NXN: variants seen among roughly 807,000 people sequenced by gnomAD.
The protein encoded by NXN is nucleoredoxin 1.
Under a neutral mutation model 48.6 loss-of-function variants are expected in NXN, and 16 were observed. The observed-to-expected ratio is 0.33, with a 90% CI of 0.22 to 0.50. The LOEUF (loss-of-function observed/expected upper bound fraction) is 0.50, where lower values mean the gene tolerates loss of function less well. Ranked by LOEUF, NXN falls within the 20% of genes least tolerant of loss-of-function variation. NXN has a pLI of 0.98. For missense variants in NXN, 492 were observed against 605.5 expected (o/e 0.81, Z 1.97); for synonymous variants, 281 against 269.6 (o/e 1.04, Z -0.41).
At chr17:913,957 T>C (rs912159419) in intron 1 of NXN, among the ~76,000 whole-genome samples, 4 of 152,204 alleles carry the variant, frequency 2.6e-5, no homozygotes, top group Admixed American at 1.3e-4. Flanking sequence ...TGGAGTGCAG[T>C]GGCACAATCT....
intron 5 of NXN, among the ~76,000 whole-genome samples, chr17:811,920 CTTTTTTTT>C (rs34383551): frequency 8.2e-5 from 6 of 73,198 alleles, no homozygotes; most frequent in East Asian, 5.2e-4. Flanking sequence ...CCCAGTTCTG[CTTTTTTTT>C]TTTTTTTTTT....
At chr17:834,995 G>C (rs1006046725) in intron 1 of NXN, among the ~76,000 whole-genome samples, 2 of 150,536 alleles carry the variant, frequency 1.3e-5, no homozygotes, top group African/African-American at 4.9e-5. Context: ...CCACCCAAAG[G>C]CCACACAATG....
At chr17:834,589 A>G (rs1913685417) in intron 1 of NXN, among the ~76,000 whole-genome samples, 2 of 151,978 alleles carry the variant, frequency 1.3e-5, no homozygotes, top group African/African-American at 4.8e-5. Flanking sequence ...TAATTTTTGT[A>G]TTTTTAGTAG....
chr17:827,213 T>A (rs1387074067), intron 1 of NXN, among the ~76,000 whole-genome samples: 1 of 151,442 alleles, frequency 6.6e-6, no homozygotes, highest in Non-Finnish European at 1.5e-5. Flanking sequence ...GCGTGGTGGC[T>A]CACATCTGTA....
chr17:842,307 C>T (rs571219129), intron 1 of NXN, among the ~76,000 whole-genome samples: 8 of 152,284 alleles, frequency 5.3e-5, no homozygotes, highest in African/African-American at 1.4e-4. Context: ...CAGAAACAGT[C>T]GCTAGTTCCA....
At position 849,410 on chromosome 17, in the gene NXN, G is replaced by C. The variant is rs537754768; in HGVS notation, c.361-23332C>G. Among the ~76,000 whole-genome samples, 64 of 152,300 alleles carry C rather than the reference G, an allele frequency of 4.2e-4. No individual in the cohort carries two copies. The highest frequency in any genetic ancestry group is 1.5e-3 in the African/African-American group (63 of 41,568). On this transcript the variant is annotated intron_variant, in intron 1 of 7. Coordinates refer to ENST00000336868, the MANE Select transcript of NXN (RefSeq NM_022463.5). This position sits in a 1 kb window ranked among gnomAD's most constrained non-coding sequence, Gnocchi z 4.2. ...TAGCTGGGCGTGGTGGCAGGTACCT[G>C]TAATCCCAGCTACTCAGGAGGCTGA...
At position 841,993 on chromosome 17, in the gene NXN, G is replaced by A. The variant is rs540398234; in HGVS notation, c.361-15915C>T. Among the ~76,000 whole-genome samples the A allele has an allele frequency of 9.9e-4, 151 of 152,202 alleles. 4 individuals carry two copies. The highest frequency in any genetic ancestry group is 4.6e-4 in the Non-Finnish European group (31 of 68,012). On this transcript the variant is annotated intron_variant, in intron 1 of 7. Coordinates refer to ENST00000336868, the MANE Select transcript of NXN (RefSeq NM_022463.5). ...TCTACCAAAAAGGCAAAAATGAGCC[G>A]GGTGTGGTGGCGCATGTCTGTAACC...
At chr17:841,433 G>GTCCTCCCGACCATGGAGCATCTCACGCCC (rs1567827465) in intron 1 of NXN, among the ~76,000 whole-genome samples, 1 of 51,216 alleles carries the variant, frequency 2.0e-5, no homozygotes. Context: ...ATCTCACACG[G>GTCCTCCCGACCATGGAGCATCTCACGCCC]GCGAGCAGGT....
rs111638714 is a variant in NXN at position 848,897 on chromosome 17, C to T, written c.361-22819G>A. The stretch of plus-strand genomic sequence containing the variant: ...TTTCTGGATAGGCCAAGTACCTATC[C>T]ACTGCTCAGCAGGACGTCGGCTCCA... On this transcript the variant is annotated intron_variant, in intron 1 of 7. Transcript: ENST00000336868. 5.2e-3 allele frequency among the ~76,000 whole-genome samples: 794 copies of T among 152,288 alleles called. 5 individuals carry two copies. The highest frequency in any genetic ancestry group is 0.017 in the African/African-American group (719 of 41,548).
intron 1 of NXN, among the ~76,000 whole-genome samples, chr17:897,372 T>G (rs1240868571): frequency 6.6e-6 from 1 of 152,146 alleles, no homozygotes; most frequent in South Asian, 2.1e-4. Context: ...GACAATCAAT[T>G]AGCAAGATGG....
chr17:848,915 C>T (rs1329059463), intron 1 of NXN, among the ~76,000 whole-genome samples: 2 of 152,176 alleles, frequency 1.3e-5, no homozygotes, highest in Non-Finnish European at 2.9e-5. Flanking sequence ...AGCAGGACGT[C>T]GGCTCCATAC....
At chr17:802,615 C>T (rs1365676317) in intron 7 of NXN, among the ~76,000 whole-genome samples, 1 of 152,222 alleles carries the variant, frequency 6.6e-6, no homozygotes, top group African/African-American at 2.4e-5. Context: ...CACTGCATGC[C>T]GCGCAGCCTC....
chr17:806,693 G>A (rs991936809), intron 5 of NXN, among the ~76,000 whole-genome samples: 6 of 152,168 alleles, frequency 3.9e-5, no homozygotes, highest in South Asian at 2.1e-4. Flanking sequence ...AATTTGCTCC[G>A]CTGACATTCT....
At position 849,404 on chromosome 17, in the gene NXN, G is replaced by T. The variant is rs1233756849; in HGVS notation, c.361-23326C>A. ...AAAAATTAGCTGGGCGTGGTGGCAGGTACCTGTAATCCCAGCTACTCAGGA... is the reference window on the plus strand; with the variant it reads ...AAAAATTAGCTGGGCGTGGTGGCAGTTACCTGTAATCCCAGCTACTCAGGA... On this transcript the variant is annotated intron_variant, in intron 1 of 7. Coordinates refer to ENST00000336868, the MANE Select transcript of NXN (RefSeq NM_022463.5). This position sits in a 1 kb window ranked among gnomAD's most constrained non-coding sequence, Gnocchi z 4.2. Among the ~76,000 whole-genome samples the T allele has an allele frequency of 2.6e-5, 4 of 152,150 alleles. No homozygotes were observed. Among genetic ancestry groups the T allele is most frequent in the Non-Finnish European group, 5.9e-5 (4 of 68,022 alleles).
chr17:834,250 A>G (rs1913660926), intron 1 of NXN, among the ~76,000 whole-genome samples: 1 of 152,146 alleles, frequency 6.6e-6, no homozygotes, highest in Non-Finnish European at 1.5e-5. Flanking sequence ...TGAGCATGGG[A>G]GGTCAAGGCT....
Position 825,969 on chromosome 17 carries a change from T to C in NXN, c.470A>G (p.Asp157Gly). Residue 157 changes from aspartate (D) to glycine (G), a missense_variant, in exon 2 of 8, where the codon GAC (aspartate) becomes GGC (glycine). This residue lies in a region of NXN where 303 missense variants were observed against 388.3 expected (regional missense o/e 0.78). Coordinates refer to ENST00000336868, the MANE Select transcript of NXN (RefSeq NM_022463.5). This position sits in a 1 kb window ranked among gnomAD's most constrained non-coding sequence, Gnocchi z 4.1. The part of the protein sequence containing the change: ...CRNGLLVIRD[D>G]PEGLEFPWGP... ...ACGGGCTGAGGTTTTACCTTCTGGG[T>C]CATCTCGGATCACCAGCAGCCCGTT... 6.2e-7 allele frequency: 1 copy of C among 1,607,872 alleles called. No individual in the cohort carries two copies. The highest frequency in any genetic ancestry group is 8.5e-7 in the Non-Finnish European group (1 of 1,175,550).
At chr17:819,793 C>T (rs1240028018) in intron 4 of NXN, among the ~76,000 whole-genome samples, 1 of 152,126 alleles carries the variant, frequency 6.6e-6, no homozygotes, top group East Asian at 1.9e-4. Flanking sequence ...AGCTCCCATC[C>T]AGGCAACGCA....
At chr17:841,647 A>ATGG (rs1914306588) in intron 1 of NXN, among the ~76,000 whole-genome samples, 3 of 141,322 alleles carry the variant, frequency 2.1e-5, no homozygotes, top group African/African-American at 7.9e-5. Flanking sequence ...CACCCTGACC[A>ATGG]CAGCGCATCT....
At chr17:974,132 G>A (rs867274406) in intron 1 of NXN, among the ~76,000 whole-genome samples, 2 of 151,744 alleles carry the variant, frequency 1.3e-5, no homozygotes, top group Non-Finnish European at 2.9e-5. Context: ...GGCGGATCAC[G>A]AGGTCGGGAG....
Sources: allele counts gnomAD v4.1 joint callset (sites outside exome capture counted in the v4.1 genomes callset), GRCh38; gene constraint gnomAD v4.1.1; regional missense constraint gnomAD v4.1.1; non-coding constraint Gnocchi (gnomAD v3.1); transcripts MANE v1.5; gene names NCBI Gene and HGNC (gene_info 2026-07-23, HGNC 2026-07-21).